The following NAT1 variants were observed in gnomAD, a reference collection of about 807,000 sequenced individuals.
NAT1 encodes the protein N-acetyltransferase 1, also known as arylamine N-acetyltransferase 1.
For missense variants in NAT1, 400 were observed against 339.2 expected (o/e 1.18, Z -1.41); for synonymous variants, 144 against 122.6 (o/e 1.17, Z -1.16).
At chr8:18,189,855 T>C (rs1318094782) in intron 2 of NAT1, among the ~76,000 whole-genome samples, 2 of 152,156 alleles carry the variant, frequency 1.3e-5, no homozygotes, top group African/African-American at 2.4e-5. Flanking sequence ...AATGGCATGA[T>C]CTTGGATCAC....
chr8:18,219,359 TTTCAAGGAAG>T (rs1248879927), intron 1 of NAT1, 42 bp from the exon 2 acceptor site: 3 of 1,254,230 alleles, frequency 2.4e-6, no homozygotes, highest in Non-Finnish European at 3.4e-6. Context: ...ATTATTTTGT[TTTCAAGGAAG>T]TCATGTTATA....
At chr8:18,187,936 A>ACACACACACACAC (rs1802810423) in intron 2 of NAT1, among the ~76,000 whole-genome samples, 4 of 137,394 alleles carry the variant, frequency 2.9e-5, no homozygotes, top group Non-Finnish European at 4.7e-5. Context: ...TTGTATCTTA[A>ACACACACACACAC]ACACACACAC....
intron 2 of NAT1, among the ~76,000 whole-genome samples, chr8:18,180,914 A>G (rs1433968678): frequency 1.3e-5 from 2 of 152,138 alleles, no homozygotes; most frequent in African/African-American, 2.4e-5. Flanking sequence ...ATAGCTTTAT[A>G]GTATAATTTG....
chr8:18,173,024 T>A (rs768860368), intron 2 of NAT1, among the ~76,000 whole-genome samples: 4 of 152,058 alleles, frequency 2.6e-5, no homozygotes, highest in Non-Finnish European at 5.9e-5. Context: ...GGACCTCTCT[T>A]CAGGGGCGAG....
intron 2 of NAT1, among the ~76,000 whole-genome samples, chr8:18,186,182 T>A (rs1698026381): frequency 6.6e-6 from 1 of 152,218 alleles, no homozygotes; most frequent in Non-Finnish European, 1.5e-5. Context: ...TGCTTTGATT[T>A]TATTAGCTAG....
upstream of NAT1, chr8:18,210,053 G>T (rs1303192190): frequency 6.6e-6 from 1 of 152,172 alleles, no homozygotes; most frequent in Non-Finnish European, 1.5e-5. Flanking sequence ...TCTGGGGGCG[G>T]GGCCAGTTGG....
rs527530701 is a variant in NAT1, at chr8:18,222,979, G to A, written c.*59G>A. 140 of 1,414,062 alleles carry A rather than the reference G, an allele frequency of 9.9e-5. No individual in the cohort carries two copies. In the African/African-American group the frequency reaches 1.6e-3, roughly 16 times the overall value. 87.6% of individuals were successfully genotyped at this position (1,414,062 alleles called of 1,614,324 possible). On this transcript the variant is annotated 3_prime_UTR_variant, in exon 3 of 3. Coordinates refer to ENST00000307719, the MANE Select transcript of NAT1 (RefSeq NM_000662.8). ...TCCAGCTCACCAGTTATCAACTGACGACCTATCATGTATCTTCTGTACCCT... is the reference window on the plus strand; with the variant it reads ...TCCAGCTCACCAGTTATCAACTGACAACCTATCATGTATCTTCTGTACCCT...
chr8:18,218,186 C>T (rs1357318261), intron 1 of NAT1, among the ~76,000 whole-genome samples: 3 of 152,204 alleles, frequency 2.0e-5, no homozygotes, highest in South Asian at 2.1e-4. Context: ...GGCCACAAGA[C>T]GATGTTTCAA....
At chr8:18,174,277 A>T (rs894552399) in intron 2 of NAT1, among the ~76,000 whole-genome samples, 2 of 152,158 alleles carry the variant, frequency 1.3e-5, no homozygotes, top group African/African-American at 4.8e-5. Flanking sequence ...CACTGATTAC[A>T]ACATTCTCAG....
upstream of NAT1, among the ~76,000 whole-genome samples, chr8:18,208,853 G>A (rs114395771): frequency 3.8e-3 from 578 of 152,326 alleles, 6 homozygotes; most frequent in African/African-American, 0.013. Context: ...AGGAATCCAA[G>A]TTCCAGTCCA....
intron 2 of NAT1, among the ~76,000 whole-genome samples, chr8:18,185,516 T>A (rs1802698167): frequency 1.3e-5 from 2 of 152,182 alleles, no homozygotes; most frequent in Non-Finnish European, 2.9e-5. Context: ...AATCCTATAT[T>A]GTTGGTCTTT....
intron 2 of NAT1, among the ~76,000 whole-genome samples, chr8:18,196,644 CTT>C (rs1803246697): frequency 6.6e-6 from 1 of 152,158 alleles, no homozygotes; most frequent in Admixed American, 6.5e-5. Flanking sequence ...TCTTGAAGCT[CTT>C]AGTATTTTTT....
In NAT1 at chr8:18,202,270, C is replaced by T. The variant is rs988326166; in HGVS notation, n.93-7511C>T. 3.9e-5 allele frequency among the ~76,000 whole-genome samples: 6 copies of T among 152,188 alleles called. No individual in the cohort carries two copies. In the East Asian group the frequency reaches 1.2e-3, roughly 29 times the overall value. ...CCTTTGAGATACAAACTTTAATCTG[C>T]GAGTCATGTCTATGGAAGTACAAAT... On this transcript the variant is annotated intron_variant and non_coding_transcript_variant, in intron 2 of 4. Coordinates refer to the NAT1 transcript ENST00000517441.
At chr8:18,198,208 A>C (rs568897816) in intron 2 of NAT1, among the ~76,000 whole-genome samples, 3 of 152,326 alleles carry the variant, frequency 2.0e-5, no homozygotes, top group Middle Eastern at 3.4e-3. Flanking sequence ...AGAGAAATCA[A>C]TGAAGTGAAA....
chr8:18,213,726 T>C (rs1320354854), intron 1 of NAT1, among the ~76,000 whole-genome samples: 1 of 152,194 alleles, frequency 6.6e-6, no homozygotes, highest in African/African-American at 2.4e-5. Context: ...AAAAATTATC[T>C]TTTAACAATT....
At chr8:18,171,946 A>G (rs1313979571) in intron 2 of NAT1, among the ~76,000 whole-genome samples, 2 of 152,216 alleles carry the variant, frequency 1.3e-5, no homozygotes, top group Non-Finnish European at 2.9e-5. Context: ...TCCACATGCT[A>G]TGGAAAGCCT....
chr8:18,220,232 AT>A (rs1240666306), intron 2 of NAT1, among the ~76,000 whole-genome samples: 3 of 152,228 alleles, frequency 2.0e-5, no homozygotes, highest in Non-Finnish European at 2.9e-5. Context: ...ATGCAATCTA[AT>A]AGATTTGGAG....
intron 2 of NAT1, among the ~76,000 whole-genome samples, chr8:18,182,781 G>C (rs182527137): frequency 3.9e-4 from 60 of 152,258 alleles, no homozygotes; most frequent in Non-Finnish European, 1.0e-4. Flanking sequence ...CTCAAAAAGT[G>C]TTGGGATTTA....
chr8:18,215,284 A>G (rs1292747553), intron 1 of NAT1, among the ~76,000 whole-genome samples: 1 of 152,168 alleles, frequency 6.6e-6, no homozygotes, highest in Non-Finnish European at 1.5e-5. Flanking sequence ...CACTTTTTGC[A>G]TTCTCCACTT....
Sources: allele counts gnomAD v4.1 joint callset (sites outside exome capture counted in the v4.1 genomes callset), GRCh38; gene constraint gnomAD v4.1.1; transcripts MANE v1.5; gene names NCBI Gene and HGNC (gene_info 2026-07-23, HGNC 2026-07-21).